Variants in LARGE1 observed in about 807,000 individuals in gnomAD.
LARGE1 encodes the protein LARGE xylosyl- and glucuronyltransferase 1.
LARGE1 carries 43 observed loss-of-function variants against 87.6 expected under a neutral mutation model. That is an observed-to-expected ratio of 0.49 (90% CI 0.38 to 0.63). LARGE1 has a LOEUF of 0.63. LARGE1 is among the 30% of genes least tolerant of loss of function. The pLI, the probability that LARGE1 is intolerant of heterozygous loss-of-function variation, is 0.00. For synonymous variants in LARGE1, 434 were observed against 394.6 expected (o/e 1.10, Z -1.18); for missense variants, 802 against 1,000.2 (o/e 0.80, Z 2.67).
intron 1 of LARGE1, among the ~76,000 whole-genome samples, chr22:33,826,605 T>A (rs1020805139): frequency 2.0e-5 from 3 of 152,102 alleles, no homozygotes; most frequent in African/African-American, 7.2e-5. Context: ...CCTCCCCAAA[T>A]GCTGAGATTA....
chr22:33,522,376 C>T (rs897556667), intron 6 of LARGE1, among the ~76,000 whole-genome samples: 7 of 152,144 alleles, frequency 4.6e-5, no homozygotes, highest in Non-Finnish European at 1.0e-4. Context: ...AATGTGTTAC[C>T]AAACTTACAG....
intron 1 of LARGE1, among the ~76,000 whole-genome samples, chr22:33,820,970 T>G (rs2086798297): frequency 6.6e-6 from 1 of 152,172 alleles, no homozygotes; most frequent in Admixed American, 6.5e-5. Context: ...ATACATTTAC[T>G]CGTCAGTTTC....
At chr22:33,582,662 G>A (rs1042821894) in intron 5 of LARGE1, among the ~76,000 whole-genome samples, 1 of 152,170 alleles carries the variant, frequency 6.6e-6, no homozygotes, top group Non-Finnish European at 1.5e-5. Context: ...TCACCCAGCA[G>A]GTACGCCTCA....
At chr22:33,761,334 T>G (rs1476152429) in intron 2 of LARGE1, 37 bp downstream of exon 2, 5 of 1,485,362 alleles carry the variant, frequency 3.4e-6, no homozygotes, top group Middle Eastern at 1.7e-4. Context: ...GTTCCCTTTC[T>G]TCCCTCCTTC....
chr22:33,167,295 C>G (rs770698703), intron 11 of LARGE1, among the ~76,000 whole-genome samples: 2 of 152,210 alleles, frequency 1.3e-5, no homozygotes, highest in Non-Finnish European at 2.9e-5. Flanking sequence ...CCTTCTATCA[C>G]TTCAATTTTA....
At chr22:33,490,424 T>C (rs2069782864) in intron 6 of LARGE1, among the ~76,000 whole-genome samples, 1 of 151,918 alleles carries the variant, frequency 6.6e-6, no homozygotes, top group African/African-American at 2.4e-5. Context: ...TTAAATGAAA[T>C]AGTGCATGTA....
rs551470732 is a variant in LARGE1, at chr22:33,452,711, G to T, written c.788-20446C>A. On this transcript the variant is annotated intron_variant, in intron 6 of 14. Transcript: ENST00000397394. ...GTGCTGGCAGGAGCGCCCATCTGGG[G>T]TACATAAAGGAGACTGCATAGAAAC... Among the ~76,000 whole-genome samples, 13 of 152,304 alleles carry T rather than the reference G, an allele frequency of 8.5e-5. No homozygotes were observed. The South Asian group carries it at 2.7e-3, about 32-fold the overall frequency.
chr22:33,638,964 A>G (rs2149128239), intron 3 of LARGE1, among the ~76,000 whole-genome samples: 1 of 152,332 alleles, frequency 6.6e-6, no homozygotes, highest in African/African-American at 2.4e-5. Flanking sequence ...AAGTACATCC[A>G]CAAATGCCTA....
At chr22:33,837,530 T>C (rs1022222511) in intron 1 of LARGE1, among the ~76,000 whole-genome samples, 2 of 152,054 alleles carry the variant, frequency 1.3e-5, no homozygotes, top group Non-Finnish European at 2.9e-5. Context: ...AACGTAACCA[T>C]TGAAAACAGA....
intron 2 of LARGE1, among the ~76,000 whole-genome samples, chr22:33,746,761 T>C (rs2084101600): frequency 5.3e-5 from 8 of 152,224 alleles, no homozygotes; most frequent in Admixed American, 5.2e-4. Context: ...GTGAGGCTGT[T>C]GTGCAAGACA....
intron 2 of LARGE1, among the ~76,000 whole-genome samples, chr22:33,661,035 CT>C (rs1336755280): frequency 6.6e-6 from 1 of 151,362 alleles, no homozygotes; most frequent in East Asian, 1.9e-4. Flanking sequence ...TAGCTAAAAT[CT>C]TGTTCAAATC....
intron 6 of LARGE1, among the ~76,000 whole-genome samples, chr22:33,509,885 C>T (rs890328924): frequency 2.6e-5 from 4 of 152,172 alleles, no homozygotes; most frequent in African/African-American, 9.7e-5. Flanking sequence ...GTGAGCGGTG[C>T]ATGTTTACCT....
intron 2 of LARGE1, among the ~76,000 whole-genome samples, chr22:33,731,267 T>G (rs2083458440): frequency 6.6e-6 from 1 of 152,088 alleles, no homozygotes; most frequent in South Asian, 2.1e-4. Flanking sequence ...CCTCCCAAAG[T>G]GCTCGGATTA....
At chr22:33,480,797 T>G (rs1299386980) in intron 6 of LARGE1, among the ~76,000 whole-genome samples, 2 of 152,188 alleles carry the variant, frequency 1.3e-5, no homozygotes, top group Non-Finnish European at 2.9e-5. Flanking sequence ...TACAGATATA[T>G]TTTGACAAAA....
intron 5 of LARGE1, among the ~76,000 whole-genome samples, chr22:33,583,336 C>G (rs1253829785): frequency 6.6e-6 from 1 of 152,230 alleles, no homozygotes; most frequent in Non-Finnish European, 1.5e-5. Flanking sequence ...AAAACACCTT[C>G]TTTTTGAGAA....
chr22:33,773,599 C>G (rs2085139595), intron 1 of LARGE1, among the ~76,000 whole-genome samples: 1 of 152,190 alleles, frequency 6.6e-6, no homozygotes, highest in Non-Finnish European at 1.5e-5. Flanking sequence ...ATATAACAAG[C>G]AAACTCCAAG....
At chr22:33,173,264 T>C (rs1171510640) in intron 11 of LARGE1, among the ~76,000 whole-genome samples, 1 of 152,088 alleles carries the variant, frequency 6.6e-6, no homozygotes, top group African/African-American at 2.4e-5. Context: ...AAACTAAGCT[T>C]CATAAGCAAA....
At chr22:33,267,299 G>A (rs938016249) in intron 11 of LARGE1, among the ~76,000 whole-genome samples, 1 of 151,526 alleles carries the variant, frequency 6.6e-6, no homozygotes, top group South Asian at 2.1e-4. Flanking sequence ...TGTAAGCTAC[G>A]GAAGCAACAA....
chr22:33,269,181 A>G (rs1928114759), downstream of LARGE1, among the ~76,000 whole-genome samples: 1 of 152,236 alleles, frequency 6.6e-6, no homozygotes, highest in Non-Finnish European at 1.5e-5. Flanking sequence ...TATGAAGAGT[A>G]TGTGGCAAAA....
Sources: allele counts gnomAD v4.1 joint callset (sites outside exome capture counted in the v4.1 genomes callset), GRCh38; gene constraint gnomAD v4.1.1; transcripts MANE v1.5; gene names NCBI Gene and HGNC (gene_info 2026-07-23, HGNC 2026-07-21).